KCTD8: variants seen among roughly 807,000 people sequenced by gnomAD.
KCTD8 encodes the protein potassium channel tetramerization domain containing 8, also known as BTB/POZ domain-containing protein KCTD8.
A neutral mutation model predicts 31.5 loss-of-function variants in KCTD8; 27 were observed. That is an observed-to-expected ratio of 0.86 (90% CI 0.63 to 1.18). The LOEUF is 1.18. Ranked by LOEUF, KCTD8 falls within the 50% of genes most tolerant of loss-of-function variation. The pLI is 0.00. For missense variants in KCTD8, 658 were observed against 647.7 expected, an observed-to-expected ratio of 1.02 and a Z score of -0.17; for synonymous variants, 290 against 280.0, an observed-to-expected ratio of 1.04 and a Z score of -0.36.
At chr4:44,422,767 C>T (rs1721246114) in intron 1 of KCTD8, among the ~76,000 whole-genome samples, 1 of 152,010 alleles carries the variant, frequency 6.6e-6, no homozygotes, top group Admixed American at 6.6e-5. Context: ...ATGAGAATAA[C>T]AATCATCTCT....
At chr4:44,192,137 C>T (rs1203086793) in intron 1 of KCTD8, among the ~76,000 whole-genome samples, 2 of 152,254 alleles carry the variant, frequency 1.3e-5, no homozygotes, top group African/African-American at 2.4e-5. Context: ...CGGGTTCCCC[C>T]GATAAATGCT....
At chr4:44,272,076 T>A (rs1262874040) in intron 1 of KCTD8, among the ~76,000 whole-genome samples, 1 of 150,348 alleles carries the variant, frequency 6.7e-6, no homozygotes, top group Non-Finnish European at 1.5e-5. Context: ...ACATTGAGTG[T>A]CAACACATAG....
At chr4:44,261,741 TC>T (rs1716189154) in intron 1 of KCTD8, among the ~76,000 whole-genome samples, 1 of 151,974 alleles carries the variant, frequency 6.6e-6, no homozygotes, top group Non-Finnish European at 1.5e-5. Flanking sequence ...CCAGGTTCAA[TC>T]CTATCACAAA....
At chr4:44,314,816 C>T (rs1244636460) in intron 1 of KCTD8, among the ~76,000 whole-genome samples, 1 of 147,260 alleles carries the variant, frequency 6.8e-6, no homozygotes, top group Non-Finnish European at 1.5e-5. Context: ...ATGAATATAG[C>T]ATAGTTAATA....
At chr4:44,302,518 T>C (rs1717658654) in intron 1 of KCTD8, among the ~76,000 whole-genome samples, 1 of 152,100 alleles carries the variant, frequency 6.6e-6, no homozygotes, top group Admixed American at 6.5e-5. Flanking sequence ...GGCTCTCTGT[T>C]TGTCTGTTAT....
chr4:44,439,709 T>C (rs1307490512), intron 1 of KCTD8, among the ~76,000 whole-genome samples: 2 of 152,090 alleles, frequency 1.3e-5, no homozygotes, highest in Non-Finnish European at 2.9e-5. Flanking sequence ...ATCAGATACT[T>C]CCTACATTTA....
chr4:44,387,408 A>G (rs570604992), intron 1 of KCTD8, among the ~76,000 whole-genome samples: 16 of 151,732 alleles, frequency 1.1e-4, no homozygotes, highest in Middle Eastern at 3.4e-3. Flanking sequence ...AGCCTGAATA[A>G]CCAAGGCAAT....
chr4:44,235,346 G>T (rs1715244562), intron 1 of KCTD8, among the ~76,000 whole-genome samples: 1 of 149,752 alleles, frequency 6.7e-6, no homozygotes, highest in South Asian at 2.1e-4. Flanking sequence ...TACTTGTCAT[G>T]ATACTTTTTG....
chr4:44,386,081 T>C (rs2109446396), intron 1 of KCTD8, among the ~76,000 whole-genome samples: 1 of 151,712 alleles, frequency 6.6e-6, no homozygotes, highest in East Asian at 2.0e-4. Flanking sequence ...AAATTAGAAC[T>C]CTTGTGCATT....
At chr4:44,260,325 G>GA (rs1716124670) in intron 1 of KCTD8, among the ~76,000 whole-genome samples, 1 of 151,820 alleles carries the variant, frequency 6.6e-6, no homozygotes, top group Non-Finnish European at 1.5e-5. Context: ...CACCTACTAT[G>GA]TTCTAGGTAC....
chr4:44,268,798 A>C (rs921361724), intron 1 of KCTD8, among the ~76,000 whole-genome samples: 1 of 152,104 alleles, frequency 6.6e-6, no homozygotes, highest in Non-Finnish European at 1.5e-5. Flanking sequence ...CAATTGCTTC[A>C]AAGAGAATAA....
intron 1 of KCTD8, among the ~76,000 whole-genome samples, chr4:44,320,365 C>G (rs1284667708): frequency 6.6e-6 from 1 of 151,838 alleles, no homozygotes; most frequent in African/African-American, 2.4e-5. Flanking sequence ...TTTAAATTTG[C>G]AACTAAGTTC....
At chr4:44,357,043 A>G (rs1719360870) in intron 1 of KCTD8, among the ~76,000 whole-genome samples, 1 of 151,982 alleles carries the variant, frequency 6.6e-6, no homozygotes, top group South Asian at 2.1e-4. Context: ...CATTTCCCAC[A>G]AAACTCTATT....
At chr4:44,288,580 C>A (rs545304681) in intron 1 of KCTD8, among the ~76,000 whole-genome samples, 4 of 152,010 alleles carry the variant, frequency 2.6e-5, no homozygotes, top group Admixed American at 6.6e-5. Flanking sequence ...CAATCAAAAA[C>A]ATTGGATGCC....
At chr4:44,221,519 G>T (rs969675127) in intron 1 of KCTD8, among the ~76,000 whole-genome samples, 3 of 152,114 alleles carry the variant, frequency 2.0e-5, no homozygotes, top group Non-Finnish European at 2.9e-5. Context: ...TAGGCCATCT[G>T]CAAGCTGAGA....
At chr4:44,201,994 A>G (rs1341179730) in intron 1 of KCTD8, among the ~76,000 whole-genome samples, 5 of 152,184 alleles carry the variant, frequency 3.3e-5, no homozygotes, top group Non-Finnish European at 5.9e-5. Flanking sequence ...ACATGAACAC[A>G]TACTTCTGGA....
At chr4:44,189,739 T>C (rs182937305) in intron 1 of KCTD8, among the ~76,000 whole-genome samples, 5 of 152,272 alleles carry the variant, frequency 3.3e-5, no homozygotes, top group Admixed American at 3.3e-4. Context: ...CATTCTAGTC[T>C]CATGTTTTTA....
intron 1 of KCTD8, among the ~76,000 whole-genome samples, chr4:44,235,484 G>A (rs1715248851): frequency 7.4e-6 from 1 of 134,260 alleles, no homozygotes; most frequent in African/African-American, 2.7e-5. Flanking sequence ...GAGACTGGAT[G>A]ACTGGATTTT....
At chr4:44,392,609 T>G (rs536276279) in intron 1 of KCTD8, among the ~76,000 whole-genome samples, 1 of 152,116 alleles carries the variant, frequency 6.6e-6, no homozygotes, top group East Asian at 1.9e-4. Context: ...TTAGTCTGAT[T>G]CACTCATAAA....
Sources: gnomAD v4.1 joint callset for allele counts (sites outside exome capture counted in the v4.1 genomes callset) on GRCh38, gnomAD v4.1.1 for gene constraint, MANE v1.5 for transcripts, NCBI Gene and HGNC (gene_info 2026-07-23, HGNC 2026-07-21) for gene names.